TSTD2: variants seen among roughly 807,000 people sequenced by gnomAD.
TSTD2 encodes thiosulfate sulfurtransferase/rhodanese-like domain-containing protein 2.
A neutral mutation model predicts 47.9 loss-of-function variants in TSTD2; 37 were observed. The ratio of observed to expected loss-of-function variants is 0.77; its 90% confidence interval spans 0.59 to 1.02. The LOEUF is 1.02. Among genes scored for constraint, TSTD2 ranks in the 50% least tolerant of loss-of-function variants. TSTD2 has a pLI of 0.00. For missense variants in TSTD2, 586 were observed against 616.0 expected, an observed-to-expected ratio of 0.95 and a Z score of 0.52; for synonymous variants, 201 against 215.9, an observed-to-expected ratio of 0.93 and a Z score of 0.61.
chr9:97,604,376 G>C (rs7867046), intron 9 of TSTD2: 19,026 of 189,384 alleles, frequency 0.1, 3,154 homozygotes, highest in African/African-American at 0.37. Context: ...CAAATTCACA[G>C]AATCCCTGAA....
Position 97,605,568 on chromosome 9 carries a change from A to C in TSTD2, c.1028T>G (p.Leu343Arg). ...SYFPSYVDKN[L>R]ELFREKRVLM... Reference sequence around the variant, plus strand: ...CACTCTCTTCTCTCTGAAAAGTTCTAGATTTTTGTCAACGTAGCTAGGGAA... The same window carrying C: ...CACTCTCTTCTCTCTGAAAAGTTCTCGATTTTTGTCAACGTAGCTAGGGAA... Residue 343 changes from leucine (L) to arginine (R), a missense_variant, in exon 8 of 10, where the codon CTA becomes CGA. By Grantham distance (102) the Leu-to-Arg change is moderately radical. Transcript: ENST00000341170. 6.2e-7 allele frequency: 1 copy of C among 1,614,228 alleles called. No individual in the cohort carries two copies. Among genetic ancestry groups the C allele is most frequent in the Non-Finnish European group, 8.5e-7 (1 of 1,180,044 alleles).
rs986172550 is a variant in TSTD2 at position 97,604,934 on chromosome 9, C to T, written c.1114-69G>A. 5.3e-5 allele frequency: 84 copies of T among 1,580,754 alleles called. No individual in the cohort carries two copies. In the Admixed American group the frequency reaches 1.2e-3, roughly 22 times the overall value. On this transcript the variant is annotated intron_variant, in intron 8 of 9. Coordinates refer to ENST00000341170, the MANE Select transcript of TSTD2 (RefSeq NM_139246.5). ...ACCTGTTAAGATGCTCACGGAAGAA[C>T]GGCGCATGGCGAGGAGTGCTGACGT...
chr9:97,611,431 A>T (rs1258057998), intron 5 of TSTD2, 143 bp downstream of exon 5: 2 of 1,001,562 alleles, frequency 2.0e-6, no homozygotes, highest in Non-Finnish European at 2.7e-6. Flanking sequence ...CAAAACAAAA[A>T]AACTCCCCAA....
rs373228155 is a variant in TSTD2, at chr9:97,610,415, G to A, written c.766C>T (p.Arg256Cys). ...KGGAHCFPEL[R>C]VGVFEEIVPM... ...ACGATTTCTTCAAATACACCAACAC[G>A]CAATTCTGGAAAACAGTGAGCTCCT... is the stretch of plus-strand genomic sequence containing the variant. Residue 256 changes from arginine to cysteine, a missense_variant, in exon 6 of 10, where the codon CGT becomes TGT. By Grantham distance (180) the Arg-to-Cys change is radical (BLOSUM62 -3). Coordinates refer to ENST00000341170, the MANE Select transcript of TSTD2 (RefSeq NM_139246.5). 14 of 1,588,524 alleles carry A rather than the reference G, an allele frequency of 8.8e-6. No individual in the cohort carries two copies. Among genetic ancestry groups the A allele is most frequent in the South Asian group, 4.6e-5 (4 of 86,634 alleles).
At position 97,613,827 on chromosome 9, in the gene TSTD2, C is replaced by CTT. The variant is rs755229835; in HGVS notation, c.604-2130_604-2129dup. On this transcript the variant is annotated intron_variant, in intron 4 of 9. Coordinates refer to ENST00000341170, the MANE Select transcript of TSTD2 (RefSeq NM_139246.5). ...CAGTTGATGCCTCACTTGATCAATT[C>CTT]TTTTTTTTTTTTTTTTTTTGAGACA... Among the ~76,000 whole-genome samples the CTT allele has an allele frequency of 4.1e-4, 50 of 123,074 alleles. 1 individual carries two copies. Among genetic ancestry groups the CTT allele is most frequent in the Middle Eastern group, 4.2e-3 (1 of 240 alleles). 80.7% of individuals were successfully genotyped at this position (123,074 alleles called of 152,430 possible). A position where few individuals can be genotyped will look rare whatever the true frequency, so the allele number is the denominator to read the frequency against.
intron 5 of TSTD2, 96 bp from the exon 6 acceptor site, chr9:97,610,547 A>G: frequency 1.1e-6 from 1 of 897,322 alleles, no homozygotes; most frequent in Non-Finnish European, 1.6e-6. Flanking sequence ...GTTTTGTAAT[A>G]ACAATAGCTG....
intron 9 of TSTD2, among the ~76,000 whole-genome samples, chr9:97,603,423 G>A (rs978317508): frequency 3.3e-5 from 5 of 152,046 alleles, no homozygotes; most frequent in Non-Finnish European, 7.4e-5. Context: ...GGTACCCATC[G>A]AGTCCAGCCA....
intron 6 of TSTD2, 90 bp downstream of exon 6, chr9:97,610,256 C>T: frequency 8.7e-7 from 1 of 1,153,380 alleles, no homozygotes; most frequent in Non-Finnish European, 1.2e-6. Flanking sequence ...GGACTCATGA[C>T]TGCTGCTGAT....
intron 9 of TSTD2, 166 bp from the exon 10 acceptor site, chr9:97,602,933 CCACCACCCA>C: frequency 1.7e-6 from 1 of 593,222 alleles, no homozygotes. Flanking sequence ...ACCACCACCC[CCACCACCCA>C]GCTTATTTTT....
chr9:97,607,336 G>A (rs918431343), intron 6 of TSTD2, among the ~76,000 whole-genome samples: 3 of 152,172 alleles, frequency 2.0e-5, no homozygotes, highest in African/African-American at 7.2e-5. Flanking sequence ...CATGCCTCAT[G>A]GGCAGGGGCT....
intron 2 of TSTD2, among the ~76,000 whole-genome samples, chr9:97,626,275 T>C (rs1435689490): frequency 6.6e-6 from 1 of 152,202 alleles, no homozygotes; most frequent in Non-Finnish European, 1.5e-5. Flanking sequence ...CACTGGAAAA[T>C]ACATAATACA....
chr9:97,618,379 A>C (rs1329657303), intron 3 of TSTD2, among the ~76,000 whole-genome samples: 2 of 152,224 alleles, frequency 1.3e-5, no homozygotes, highest in African/African-American at 4.8e-5. Context: ...CCTAAACGCC[A>C]GTCTTCTGAT....
intron 4 of TSTD2, among the ~76,000 whole-genome samples, chr9:97,615,408 C>G (rs182978230): frequency 1.8e-4 from 27 of 152,336 alleles, no homozygotes; most frequent in Admixed American, 1.3e-4. Context: ...GCTGGTAAAT[C>G]TGGGATTCAA....
rs569348273 is a variant in TSTD2, at chr9:97,602,872, C to T, written c.1253-105G>A. On this transcript the variant is annotated intron_variant, in intron 9 of 9. Coordinates refer to ENST00000341170, the MANE Select transcript of TSTD2 (RefSeq NM_139246.5). ...AGAATCTCGTAGATCCTGTGGAACC[C>T]GGGGAAGGTTTCCAAATAGTAAGTC... The T allele has an allele frequency of 5.1e-5, 62 of 1,212,966 alleles. No individual in the cohort carries two copies. The Admixed American group carries it at 7.0e-4, about 14-fold the overall frequency. The allele number at this position is 1,212,966 out of a possible 1,614,324, so 75.1% of individuals were successfully genotyped here. A position where few individuals can be genotyped will look rare whatever the true frequency, so the allele number is the denominator to read the frequency against.
chr9:97,631,116 G>T (rs1426801554), intron 1 of TSTD2, among the ~76,000 whole-genome samples: 1 of 152,110 alleles, frequency 6.6e-6, no homozygotes, highest in Non-Finnish European at 1.5e-5. Flanking sequence ...TCATTCACTT[G>T]TTCAGAAAAT....
At chr9:97,612,190 T>A (rs1348645914) in intron 4 of TSTD2, among the ~76,000 whole-genome samples, 1 of 152,250 alleles carries the variant, frequency 6.6e-6, no homozygotes, top group Non-Finnish European at 1.5e-5. Flanking sequence ...AAAGACATGA[T>A]CTTGTTCTTT....
chr9:97,610,541 T>G, intron 5 of TSTD2, 90 bp from the exon 6 acceptor site: 1 of 954,652 alleles, frequency 1.0e-6, no homozygotes, highest in Non-Finnish European at 1.5e-6. Flanking sequence ...TGGTCTGTTT[T>G]GTAATAACAA....
At chr9:97,618,112 C>T (rs1164200484) in intron 3 of TSTD2, among the ~76,000 whole-genome samples, 2 of 152,102 alleles carry the variant, frequency 1.3e-5, no homozygotes, top group Admixed American at 6.5e-5. Context: ...TTACTTTGAT[C>T]CCTCATTTAA....
intron 8 of TSTD2, 74 bp from the exon 9 acceptor site, chr9:97,604,939 C>A: frequency 6.3e-7 from 1 of 1,578,338 alleles, no homozygotes; most frequent in South Asian, 1.2e-5. Context: ...AAGAACGGCG[C>A]ATGGCGAGGA....
Sources: allele counts gnomAD v4.1 joint callset (sites outside exome capture counted in the v4.1 genomes callset), GRCh38; gene constraint gnomAD v4.1.1; transcripts MANE v1.5; gene names NCBI Gene and HGNC (gene_info 2026-07-23, HGNC 2026-07-21).